The following GNA14 variants were observed in gnomAD, a reference collection of about 807,000 sequenced individuals.
GNA14 encodes the protein G protein subunit alpha 14, also known as guanine nucleotide-binding protein subunit alpha-14.
In GNA14, 50 loss-of-function variants were observed where a neutral mutation model predicts 42.0. That is an observed-to-expected ratio of 1.19 (90% CI 0.95 to 1.51). The LOEUF is 1.51. Ranked by LOEUF, GNA14 falls within the 40% of genes most tolerant of loss-of-function variation. The pLI is 0.00. For synonymous variants in GNA14, 173 were observed against 163.1 expected (o/e 1.06, Z -0.46); for missense variants, 473 against 446.2 (o/e 1.06, Z -0.54).
chr9:77,644,458 A>AAAAAAAAAAAAAG (rs1824322714), intron 1 of GNA14, among the ~76,000 whole-genome samples: 1 of 149,382 alleles, frequency 6.7e-6, no homozygotes, highest in Non-Finnish European at 1.5e-5. Flanking sequence ...AAAAAAAAAA[A>AAAAAAAAAAAAAG]AAAAAAGACA....
chr9:77,512,897 G>T (rs1837193062), intron 2 of GNA14, among the ~76,000 whole-genome samples: 1 of 152,134 alleles, frequency 6.6e-6, no homozygotes, highest in Non-Finnish European at 1.5e-5. Flanking sequence ...AAATAAATTT[G>T]AAATAATCTC....
intron 1 of GNA14, among the ~76,000 whole-genome samples, chr9:77,538,873 A>G (rs572933028): frequency 1.4e-4 from 21 of 152,308 alleles, no homozygotes; most frequent in Admixed American, 1.4e-3. Flanking sequence ...TCTTGTTTAT[A>G]GATTATAACA....
At chr9:77,449,481 G>A (rs1478971803) in intron 2 of GNA14, among the ~76,000 whole-genome samples, 1 of 152,160 alleles carries the variant, frequency 6.6e-6, no homozygotes, top group African/African-American at 2.4e-5. Flanking sequence ...GTTCCCCTGA[G>A]GTTCAATATC....
intron 2 of GNA14, among the ~76,000 whole-genome samples, chr9:77,521,025 T>A (rs1367275500): frequency 6.6e-6 from 1 of 152,192 alleles, no homozygotes; most frequent in Admixed American, 6.5e-5. Context: ...TTCTTTCCCA[T>A]TTTCCAAACT....
chr9:77,487,126 G>A (rs1310800937), intron 2 of GNA14, among the ~76,000 whole-genome samples: 1 of 152,022 alleles, frequency 6.6e-6, no homozygotes, highest in East Asian at 1.9e-4. Flanking sequence ...CAGCTACTAA[G>A]TGACTAGTAG....
intron 2 of GNA14, among the ~76,000 whole-genome samples, chr9:77,486,864 C>T (rs778642927): frequency 1.3e-5 from 2 of 152,004 alleles, no homozygotes; most frequent in African/African-American, 2.4e-5. Flanking sequence ...TCTCTGACCA[C>T]AGATCATCAT....
chr9:77,476,228 T>TA (rs1836419580), intron 2 of GNA14, among the ~76,000 whole-genome samples: 2 of 152,166 alleles, frequency 1.3e-5, no homozygotes, highest in Non-Finnish European at 2.9e-5. Context: ...TTAGATTTTC[T>TA]AAAATACTGA....
At chr9:77,467,672 A>G (rs1393461018) in intron 2 of GNA14, among the ~76,000 whole-genome samples, 1 of 138,942 alleles carries the variant, frequency 7.2e-6, no homozygotes, top group Non-Finnish European at 1.5e-5. Flanking sequence ...TTTTTTTAAG[A>G]CTAGTCAAGT....
intron 2 of GNA14, among the ~76,000 whole-genome samples, chr9:77,498,244 A>G (rs1836905353): frequency 6.6e-6 from 1 of 151,936 alleles, no homozygotes; most frequent in Non-Finnish European, 1.5e-5. Flanking sequence ...GTGATGGTGC[A>G]GGCCTGTAAT....
In GNA14 at chr9:77,425,603, A is replaced by G; in HGVS notation, c.836T>C (p.Ile279Thr). The G allele has an allele frequency of 6.2e-7, 1 of 1,609,496 alleles. No homozygotes were observed. The highest frequency in any genetic ancestry group is 8.5e-7 in the Non-Finnish European group (1 of 1,176,284). Residue 279 changes from isoleucine to threonine, a missense_variant, in exon 6 of 7, where the codon ATC (isoleucine) becomes ACC (threonine). Physicochemically the swap from Ile to Thr is moderately conservative, Grantham distance 89. Coordinates refer to ENST00000341700, the MANE Select transcript of GNA14 (RefSeq NM_004297.4). ...ATAGCTAATTAGATGAGAGTACATG[A>G]TTTTCTCTTCCAAAAGATCCTTCTT... is the stretch of plus-strand genomic sequence containing the variant. ...LNKKDLLEEK[I>T]MYSHLISYFP... is the part of the protein sequence containing the mutation.
Position 77,647,734 on chromosome 9 carries a change from C to A in GNA14, c.60G>T (p.Glu20Asp), listed in dbSNP as rs765705506. The change falls in exon 1 of 7, where the codon GAG becomes GAT. Residue 20 changes from glutamate (E) to aspartate (D), a missense_variant. Glu to Asp is a conservative substitution (Grantham distance 45, BLOSUM62 2). Coordinates refer to ENST00000341700, the MANE Select transcript of GNA14 (RefSeq NM_004297.4). ...TGTCCCGACGAAGCTGTCGCTCGAT[C>A]TCCGCGCTGATGCGCTGCGACTCCT... is the stretch of plus-strand genomic sequence containing the variant. ...EEKESQRISA[E>D]IERQLRRDKK... The A allele has an allele frequency of 6.2e-7, 1 of 1,609,974 alleles. No homozygotes were observed. Among genetic ancestry groups the A allele is most frequent in the Non-Finnish European group, 8.5e-7 (1 of 1,178,574 alleles).
chr9:77,552,387 GT>G (rs2131782878), intron 1 of GNA14, among the ~76,000 whole-genome samples: 1 of 152,190 alleles, frequency 6.6e-6, no homozygotes, highest in Admixed American at 6.5e-5. Flanking sequence ...CATTTCTTGG[GT>G]TTTTATAGCT....
intron 2 of GNA14, among the ~76,000 whole-genome samples, chr9:77,450,945 C>T (rs1835892307): frequency 1.3e-5 from 2 of 152,110 alleles, no homozygotes; most frequent in Admixed American, 1.3e-4. Context: ...TGCCTTTGCT[C>T]CTTCTTCCCC....
intron 1 of GNA14, among the ~76,000 whole-genome samples, chr9:77,617,825 C>T (rs1183615775): frequency 6.6e-6 from 1 of 152,088 alleles, no homozygotes; most frequent in African/African-American, 2.4e-5. Flanking sequence ...CTTCCTGGTA[C>T]ATTGTTCCCT....
At chr9:77,617,419 C>T (rs1823841140) in intron 1 of GNA14, among the ~76,000 whole-genome samples, 1 of 152,066 alleles carries the variant, frequency 6.6e-6, no homozygotes, top group African/African-American at 2.4e-5. Context: ...TCTACCAATA[C>T]ATCCAATCAA....
intron 2 of GNA14, among the ~76,000 whole-genome samples, chr9:77,437,771 G>A (rs907241074): frequency 6.6e-6 from 1 of 152,132 alleles, no homozygotes; most frequent in Admixed American, 6.5e-5. Flanking sequence ...GCTCCTAAGT[G>A]ACTACAATGA....
intron 1 of GNA14, among the ~76,000 whole-genome samples, chr9:77,646,636 G>A (rs1037277205): frequency 6.6e-6 from 1 of 152,134 alleles, no homozygotes; most frequent in Non-Finnish European, 1.5e-5. Flanking sequence ...ATAAATAGAT[G>A]GTATAAGAGA....
intron 2 of GNA14, among the ~76,000 whole-genome samples, chr9:77,484,855 AATAGCATT>A (rs1196459092): frequency 6.6e-6 from 1 of 152,246 alleles, no homozygotes; most frequent in East Asian, 1.9e-4. Flanking sequence ...TTAAGTGTGC[AATAGCATT>A]ATATCTAAAA....
intron 2 of GNA14, among the ~76,000 whole-genome samples, chr9:77,449,906 G>A (rs1356470714): frequency 5.3e-5 from 8 of 152,172 alleles, no homozygotes; most frequent in Admixed American, 5.2e-4. Context: ...GACATTCCCT[G>A]TGTGTGCCTC....
Sources: gnomAD v4.1 joint callset for allele counts (sites outside exome capture counted in the v4.1 genomes callset) on GRCh38, gnomAD v4.1.1 for gene constraint, MANE v1.5 for transcripts, NCBI Gene and HGNC (gene_info 2026-07-23, HGNC 2026-07-21) for gene names.